The following RBFOX2 variants were observed in gnomAD, a reference collection of about 807,000 sequenced individuals.
RBFOX2 encodes the protein RNA binding protein fox-1 homolog 2.
Under a neutral mutation model 49.1 loss-of-function variants are expected in RBFOX2, and 10 were observed. That is an observed-to-expected ratio of 0.20 (90% CI 0.13 to 0.35). The LOEUF is 0.35. RBFOX2 is among the 10% of genes least tolerant of loss of function. The probability of loss-of-function intolerance (pLI) is 1.00; values close to 1 mark genes in which losing one functional copy is unlikely to be tolerated. For missense variants in RBFOX2, 323 were observed against 486.9 expected, an observed-to-expected ratio of 0.66 and a Z score of 3.17; for synonymous variants, 183 against 187.4, an observed-to-expected ratio of 0.98 and a Z score of 0.19.
chr22:35,968,550 G>C (rs1457085052), intron 1 of RBFOX2, among the ~76,000 whole-genome samples: 1 of 152,110 alleles, frequency 6.6e-6, no homozygotes, highest in Non-Finnish European at 1.5e-5. Flanking sequence ...AAGAAAAGAA[G>C]CTTATGGAAT....
chr22:35,893,011 G>A (rs1427307569), intron 1 of RBFOX2, among the ~76,000 whole-genome samples: 1 of 152,188 alleles, frequency 6.6e-6, no homozygotes, highest in African/African-American at 2.4e-5. Context: ...CCTTCTGCAC[G>A]TCCTCAATGA....
chr22:35,882,057 C>T (rs1455154280), intron 1 of RBFOX2, among the ~76,000 whole-genome samples: 4 of 151,652 alleles, frequency 2.6e-5, no homozygotes, highest in African/African-American at 9.7e-5. Context: ...ACATTTTACC[C>T]GGCTGGTAAA....
At chr22:35,773,572 GA>G (rs938808364) in intron 4 of RBFOX2, among the ~76,000 whole-genome samples, 5 of 151,414 alleles carry the variant, frequency 3.3e-5, no homozygotes, top group South Asian at 2.1e-4. Context: ...TTTTAAAAAA[GA>G]AAAAAAATTG....
At chr22:35,802,847 G>C (rs1204177910) in intron 2 of RBFOX2, among the ~76,000 whole-genome samples, 1 of 152,140 alleles carries the variant, frequency 6.6e-6, no homozygotes, top group Non-Finnish European at 1.5e-5. Flanking sequence ...ATGAGGAAGG[G>C]AGACATAAGA....
At chr22:35,866,082 T>C (rs1248002356) in intron 1 of RBFOX2, among the ~76,000 whole-genome samples, 1 of 152,084 alleles carries the variant, frequency 6.6e-6, no homozygotes, top group African/African-American at 2.4e-5. Flanking sequence ...ACTAGAAAAA[T>C]AGTATATTTT....
At chr22:35,768,019 GCACA>G (rs923628377) in intron 5 of RBFOX2, among the ~76,000 whole-genome samples, 1 of 151,382 alleles carries the variant, frequency 6.6e-6, no homozygotes, top group African/African-American at 2.4e-5. Flanking sequence ...ACACACACAC[GCACA>G]CACACACAGT....
intron 1 of RBFOX2, among the ~76,000 whole-genome samples, chr22:35,874,695 TA>T (rs1212789037): frequency 2.0e-5 from 3 of 152,234 alleles, no homozygotes; most frequent in Non-Finnish European, 4.4e-5. Flanking sequence ...TGAGGTTAAG[TA>T]ATTTCCTTGA....
At chr22:35,767,501 G>A (rs1941359724) in intron 5 of RBFOX2, among the ~76,000 whole-genome samples, 1 of 152,104 alleles carries the variant, frequency 6.6e-6, no homozygotes, top group Non-Finnish European at 1.5e-5. Context: ...ACTCAAAATG[G>A]TGGCTTTTAC....
intron 1 of RBFOX2, among the ~76,000 whole-genome samples, chr22:35,896,314 A>G (rs2047835895): frequency 2.0e-5 from 3 of 152,206 alleles, no homozygotes; most frequent in African/African-American, 7.2e-5. Flanking sequence ...GTAGGTGCAC[A>G]AAACATTCTC....
intron 1 of RBFOX2, among the ~76,000 whole-genome samples, chr22:35,867,761 A>AT (rs1453831734): frequency 6.6e-5 from 10 of 152,126 alleles, no homozygotes; most frequent in Non-Finnish European, 1.3e-4. Context: ...ACAATTTAAA[A>AT]TTTTTTTAAA....
rs753829684 is a variant in RBFOX2, at chr22:35,838,902, C to T, written c.27+1290G>A. Reference sequence around the variant, plus strand: ...GGGTCCCAATGGGAAAATATCCCTACAGGTTTCCCTCCTTCCAAACAGCAC... The same window carrying T: ...GGGTCCCAATGGGAAAATATCCCTATAGGTTTCCCTCCTTCCAAACAGCAC... On this transcript the variant is annotated intron_variant, in intron 1 of 11. Transcript: ENST00000405409. Among the ~76,000 whole-genome samples the T allele has an allele frequency of 2.7e-4, 41 of 152,328 alleles. 1 individual carries two copies. Among genetic ancestry groups the T allele is most frequent in the Middle Eastern group, 6.8e-3 (2 of 294 alleles).
chr22:35,826,767 G>GT (rs1199826338), intron 1 of RBFOX2, among the ~76,000 whole-genome samples: 2 of 152,072 alleles, frequency 1.3e-5, no homozygotes, highest in Non-Finnish European at 2.9e-5. Context: ...ATATATAACT[G>GT]TGAGAAAGTT....
chr22:35,889,534 T>C lies in RBFOX2; in HGVS notation c.-34+49313A>G, dbSNP rs141169761. On this transcript the variant is annotated intron_variant, in intron 1 of 13. Transcript: ENST00000359369. ...GCCCATTCTATCATGACCTTCCCTG[T>C]CACTCAGACTCTTACACAACAATCA... Among the ~76,000 whole-genome samples, 219 of 152,252 alleles carry C rather than the reference T, an allele frequency of 1.4e-3. 2 individuals are homozygous for C. The highest frequency in any genetic ancestry group is 4.8e-3 in the African/African-American group (201 of 41,538).
At chr22:36,014,401 C>T (rs1447884007) in intron 1 of RBFOX2, among the ~76,000 whole-genome samples, 2 of 152,126 alleles carry the variant, frequency 1.3e-5, no homozygotes, top group African/African-American at 2.4e-5. Context: ...TGAGCCACCG[C>T]GCCCGGCCAC....
chr22:36,010,884 G>A (rs1290697860), intron 1 of RBFOX2, among the ~76,000 whole-genome samples: 1 of 152,084 alleles, frequency 6.6e-6, no homozygotes, highest in African/African-American at 2.4e-5. Flanking sequence ...ACTCAATCCT[G>A]GGGCTTTCCA....
intron 1 of RBFOX2, among the ~76,000 whole-genome samples, chr22:36,011,704 A>G (rs970628158): frequency 2.0e-5 from 3 of 152,168 alleles, no homozygotes; most frequent in African/African-American, 7.2e-5. Flanking sequence ...ACTCTTCTAC[A>G]TTTTGCATAT....
chr22:36,012,921 C>T (rs1326551215), intron 1 of RBFOX2, among the ~76,000 whole-genome samples: 4 of 151,972 alleles, frequency 2.6e-5, no homozygotes, highest in African/African-American at 7.2e-5. Context: ...TCTGCCACTA[C>T]GCCCAGCAAA....
chr22:35,805,139 A>T (rs1950482314), intron 2 of RBFOX2, among the ~76,000 whole-genome samples: 1 of 151,774 alleles, frequency 6.6e-6, no homozygotes, highest in African/African-American at 2.4e-5. Flanking sequence ...AAACACAAAA[A>T]ATTAGCCGGG....
At chr22:35,812,319 T>C (rs1288979370) in intron 1 of RBFOX2, among the ~76,000 whole-genome samples, 1 of 152,042 alleles carries the variant, frequency 6.6e-6, no homozygotes, top group African/African-American at 2.4e-5. Context: ...AAATATGTTA[T>C]GAAAACTTTA....
Sources: allele counts gnomAD v4.1 joint callset (sites outside exome capture counted in the v4.1 genomes callset), GRCh38; gene constraint gnomAD v4.1.1; transcripts MANE v1.5; gene names NCBI Gene and HGNC (gene_info 2026-07-23, HGNC 2026-07-21).